USP42: variants seen among roughly 807,000 people sequenced by gnomAD.
USP42 encodes the protein ubiquitin specific peptidase 42.
Under a neutral mutation model 113.0 loss-of-function variants are expected in USP42, and 23 were observed. The observed-to-expected ratio is 0.20, with a 90% CI of 0.15 to 0.29. The LOEUF (loss-of-function observed/expected upper bound fraction) is 0.29. Among genes scored for constraint, USP42 ranks in the 10% least tolerant of loss-of-function variants. USP42 has a pLI of 1.00. For missense variants in USP42, 2,174 were observed against 1,779.8 expected, an observed-to-expected ratio of 1.22 and a Z score of -3.99; for synonymous variants, 933 against 699.0, an observed-to-expected ratio of 1.33 and a Z score of -5.28.
rs747459546 is a variant in USP42, at chr7:6,153,886, C to G, written c.2332C>G (p.Pro778Ala). ...GLSSTKKAPP[P>A]RDPGTPATKE... ...CAGCAGCACCAAGAAGGCTCCGCCG[C>G]CCCGCGATCCCGGCACCCCCGCTAC... The change falls in exon 15 of 18, where the codon CCC becomes GCC. Residue 778 changes from proline (P) to alanine (A), a missense_variant. Transcript: ENST00000306177. 1 of 1,574,092 alleles carries G rather than the reference C, an allele frequency of 6.4e-7. No homozygotes were observed. Among genetic ancestry groups the G allele is most frequent in the East Asian group, 2.4e-5 (1 of 42,000 alleles).
At chr7:6,098,645 C>T in the USP42 span, among the ~76,000 whole-genome samples, 4 of 149,892 alleles carry the variant, frequency 2.7e-5, no homozygotes, top group Non-Finnish European at 4.5e-5. Context: ...TCCGCCTCCC[C>T]GGTTCAAACG....
chr7:6,104,105 C>T, upstream of USP42, among the ~76,000 whole-genome samples: 1 of 151,286 alleles, frequency 6.6e-6, no homozygotes, highest in Non-Finnish European at 1.5e-5. Flanking sequence ...GACAGACTCT[C>T]GCTCTGTCGC....
Position 6,147,891 on chromosome 7 carries a change from A to G in USP42, c.1385A>G (p.Lys462Arg). 6.2e-7 allele frequency: 1 copy of G among 1,606,446 alleles called. No individual in the cohort carries two copies. Among genetic ancestry groups the G allele is most frequent in the Non-Finnish European group, 8.5e-7 (1 of 1,175,428 alleles). The change falls in exon 12 of 18, where the codon AAG becomes AGG. Residue 462 changes from lysine (K) to arginine (R), a missense_variant and splice_region_variant. Physicochemically the swap from Lys to Arg is conservative, Grantham distance 26. Coordinates refer to ENST00000306177, the MANE Select transcript of USP42 (RefSeq NM_032172.3). ...CCACAGCTTCCCTCTCACATGATAA[A>G]GGTAACAGTCCTTAGGGAGAAGAAC... is the stretch of plus-strand genomic sequence containing the variant. ...IGPQLPSHMI[K>R]NPPHLNGTGP...
intron 4 of USP42, among the ~76,000 whole-genome samples, chr7:6,137,234 C>T (rs1261812240): frequency 6.6e-6 from 1 of 152,170 alleles, no homozygotes; most frequent in East Asian, 1.9e-4. Flanking sequence ...TTAAAGAGGT[C>T]TTATATTGGC....
rs746663884 is a variant in USP42, at chr7:6,150,293, T to G, written c.2097T>G (p.Leu699=). The change falls in exon 13 of 18, where the codon CTT becomes CTG. Residue 699 remains leucine, a synonymous_variant. Transcript: ENST00000306177. ...ATCCCTTTGCTAAGGCAAACGGTCT[T>G]CCTGGAAAGGTGAGTGCACGTCAGG... ...SENPFAKANG[L]PGKLMPAPLL... 10 of 1,612,996 alleles carry G rather than the reference T, an allele frequency of 6.2e-6. No homozygotes were observed. In the South Asian group the frequency reaches 1.1e-4, roughly 18 times the overall value.
chr7:6,140,001 T>C, intron 5 of USP42, 127 bp from the exon 6 acceptor site: 1 of 933,670 alleles, frequency 1.1e-6, no homozygotes, highest in Non-Finnish European at 1.8e-6. Flanking sequence ...TGCCATCCTT[T>C]TATTTTCCAT....
At chr7:6,153,698 T>C in intron 14 of USP42, 58 bp from the exon 15 acceptor site, 7 of 1,406,260 alleles carry the variant, frequency 5.0e-6, no homozygotes, top group Non-Finnish European at 6.5e-6. Flanking sequence ...TGTAATGCAA[T>C]GACATGAGCC....
intron 14 of USP42, among the ~76,000 whole-genome samples, chr7:6,152,527 G>C (rs563008359): frequency 3.8e-4 from 57 of 151,566 alleles, no homozygotes; most frequent in African/African-American, 1.4e-3. Context: ...CCTCACTGAG[G>C]CCCTCTGTTA....
At chr7:6,103,114 G>A (rs1294672550), upstream of USP42, among the ~76,000 whole-genome samples, 1 of 151,048 alleles carries the variant, frequency 6.6e-6, no homozygotes, top group African/African-American at 2.5e-5. Flanking sequence ...GGCTCATGGT[G>A]GAGGGGAGAT....
At chr7:6,145,001 A>G (rs1463834642) in intron 9 of USP42, among the ~76,000 whole-genome samples, 1 of 152,192 alleles carries the variant, frequency 6.6e-6, no homozygotes, top group Non-Finnish European at 1.5e-5. Context: ...CCTTAAATAC[A>G]CTTAGATTCC....
chr7:6,129,446 A>G (rs1186347704), intron 3 of USP42, among the ~76,000 whole-genome samples: 1 of 149,944 alleles, frequency 6.7e-6, no homozygotes, highest in Non-Finnish European at 1.5e-5. Context: ...AATCCCAGCT[A>G]TTCGGGAGGC....
chr7:6,092,175 T>C, the USP42 span, among the ~76,000 whole-genome samples: 6 of 132,182 alleles, frequency 4.5e-5, no homozygotes, highest in African/African-American at 1.7e-4. Flanking sequence ...TTCTTCTTCT[T>C]CTCTTTTTTT....
At chr7:6,142,331 C>T (rs1781476751) in intron 7 of USP42, among the ~76,000 whole-genome samples, 1 of 151,812 alleles carries the variant, frequency 6.6e-6, no homozygotes, top group African/African-American at 2.4e-5. Flanking sequence ...ATTCTTCTGC[C>T]TCAACCTCCC....
chr7:6,100,738 C>T (rs1008555710), upstream of USP42, among the ~76,000 whole-genome samples: 38 of 146,418 alleles, frequency 2.6e-4, no homozygotes, highest in African/African-American at 9.2e-4. Flanking sequence ...GGCTGTAGTG[C>T]AGTGGTGCAA....
intron 3 of USP42, among the ~76,000 whole-genome samples, chr7:6,115,979 T>C (rs942029720): frequency 4.6e-5 from 7 of 151,734 alleles, no homozygotes; most frequent in Non-Finnish European, 7.4e-5. Flanking sequence ...AGCACACACC[T>C]CTAGTCCCAG....
At chr7:6,128,409 G>T (rs1455389534) in intron 3 of USP42, among the ~76,000 whole-genome samples, 1 of 152,104 alleles carries the variant, frequency 6.6e-6, no homozygotes, top group Non-Finnish European at 1.5e-5. Context: ...CCACAGGCAT[G>T]CACCACCATG....
At chr7:6,095,650 C>G in the USP42 span, among the ~76,000 whole-genome samples, 1 of 151,106 alleles carries the variant, frequency 6.6e-6, no homozygotes, top group Non-Finnish European at 1.5e-5. Flanking sequence ...GCCTGGGCAA[C>G]AGTGCAAGAC....
At chr7:6,118,773 A>C (rs905124398) in intron 3 of USP42, among the ~76,000 whole-genome samples, 1 of 152,162 alleles carries the variant, frequency 6.6e-6, no homozygotes, top group Admixed American at 6.6e-5. Context: ...TTGCACCTTT[A>C]TCAAAAATCA....
intron 3 of USP42, among the ~76,000 whole-genome samples, chr7:6,120,233 G>C (rs948438337): frequency 2.6e-5 from 4 of 151,996 alleles, no homozygotes; most frequent in Non-Finnish European, 4.4e-5. Context: ...CAGAGTGTTG[G>C]GATTACAGGC....
Sources: gnomAD v4.1 joint callset for allele counts (sites outside exome capture counted in the v4.1 genomes callset) on GRCh38, gnomAD v4.1.1 for gene constraint, MANE v1.5 for transcripts, NCBI Gene and HGNC (gene_info 2026-07-23, HGNC 2026-07-21) for gene names.